The following RCAN1 variants were observed in gnomAD, a reference collection of about 807,000 sequenced individuals.
RCAN1 encodes the protein regulator of calcineurin 1.
Under a neutral mutation model 22.9 loss-of-function variants are expected in RCAN1, and 11 were observed. The observed-to-expected ratio is 0.48, with a 90% CI of 0.30 to 0.79. The LOEUF (loss-of-function observed/expected upper bound fraction) is 0.79, where lower values mean the gene tolerates loss of function less well. Ranked by LOEUF, RCAN1 falls within the 30% of genes least tolerant of loss-of-function variation. RCAN1 has a pLI of 0.06. For missense variants in RCAN1, 291 were observed against 337.8 expected, an observed-to-expected ratio of 0.86 and a Z score of 1.09; for synonymous variants, 136 against 142.3, an observed-to-expected ratio of 0.96 and a Z score of 0.32.
At chr21:34,596,122 G>A (rs1988143415) in intron 1 of RCAN1, among the ~76,000 whole-genome samples, 2 of 152,174 alleles carry the variant, frequency 1.3e-5, no homozygotes, top group South Asian at 4.1e-4. Context: ...GCCCTGTGAG[G>A]TGGCTATTAT....
intron 1 of RCAN1, among the ~76,000 whole-genome samples, chr21:34,568,946 TGGC>T (rs1171245455): frequency 1.3e-5 from 2 of 152,154 alleles, no homozygotes; most frequent in East Asian, 3.9e-4. Flanking sequence ...GCTTCTTACA[TGGC>T]GGCGGCAAAG....
At chr21:34,593,955 G>A (rs1568927649) in intron 1 of RCAN1, among the ~76,000 whole-genome samples, 2 of 152,158 alleles carry the variant, frequency 1.3e-5, no homozygotes, top group African/African-American at 2.4e-5. Context: ...TTCTGGGGCT[G>A]GAGGCGTGGG....
At chr21:34,547,806 G>A (rs747415924) in intron 1 of RCAN1, among the ~76,000 whole-genome samples, 40 of 152,154 alleles carry the variant, frequency 2.6e-4, no homozygotes, top group Non-Finnish European at 4.4e-4. Flanking sequence ...CCAGATGCTG[G>A]CACCATGCTC....
chr21:34,526,890 A>T (rs1423373161), intron 1 of RCAN1: 1 of 1,455,010 alleles, frequency 6.9e-7, no homozygotes, highest in Non-Finnish European at 9.0e-7. Context: ...GGGGAAAAAA[A>T]AAGTGCAGCT....
intron 1 of RCAN1, among the ~76,000 whole-genome samples, chr21:34,563,794 T>TATAGAGAGAGAG (rs765741781): frequency 2.1e-5 from 1 of 48,722 alleles, no homozygotes; most frequent in Non-Finnish European, 3.7e-5. Context: ...TATATATATA[T>TATAGAGAGAGAG]AGAGAGAGAG....
chr21:34,552,331 C>T (rs1986399139), intron 1 of RCAN1, among the ~76,000 whole-genome samples: 1 of 152,148 alleles, frequency 6.6e-6, no homozygotes, highest in Non-Finnish European at 1.5e-5. Flanking sequence ...CGAAGTGACT[C>T]CTGTACATAG....
At chr21:34,554,453 G>T (rs1423172892) in intron 1 of RCAN1, among the ~76,000 whole-genome samples, 1 of 152,210 alleles carries the variant, frequency 6.6e-6, no homozygotes, top group African/African-American at 2.4e-5. Flanking sequence ...GAAACCACCA[G>T]GTGAGAGGCG....
At chr21:34,559,414 C>CT (rs5843672) in intron 1 of RCAN1, 35,594 of 152,146 alleles carry the variant, frequency 0.23, 5,149 homozygotes, top group East Asian at 0.42. Context: ...CACAGCACTT[C>CT]TTTAACTTTC....
At chr21:34,591,312 A>C (rs570119662) in intron 1 of RCAN1, among the ~76,000 whole-genome samples, 7 of 152,134 alleles carry the variant, frequency 4.6e-5, no homozygotes, top group African/African-American at 9.7e-5. Context: ...GGGCACAGAG[A>C]AAAAAACAAA....
chr21:34,554,789 T>C (rs985349869), intron 1 of RCAN1, among the ~76,000 whole-genome samples: 1 of 152,208 alleles, frequency 6.6e-6, no homozygotes, highest in Non-Finnish European at 1.5e-5. Flanking sequence ...TCCATGTAAC[T>C]GGGAAAGCAT....
chr21:34,593,297 G>A (rs1204748763), intron 1 of RCAN1, among the ~76,000 whole-genome samples: 1 of 152,186 alleles, frequency 6.6e-6, no homozygotes, highest in Non-Finnish European at 1.5e-5. Flanking sequence ...AATACTACTA[G>A]CCCTCACCCA....
intron 1 of RCAN1, among the ~76,000 whole-genome samples, chr21:34,609,283 A>C (rs1335111426): frequency 6.6e-6 from 1 of 152,220 alleles, no homozygotes; most frequent in East Asian, 1.9e-4. Context: ...GATGGTGATT[A>C]GTATTTACAA....
chr21:34,577,344 T>C (rs1226936651), intron 1 of RCAN1, among the ~76,000 whole-genome samples: 3 of 152,158 alleles, frequency 2.0e-5, no homozygotes, highest in East Asian at 1.9e-4. Flanking sequence ...GTGCCTATAA[T>C]CCCAGCACTT....
chr21:34,561,128 C>G (rs746800745), intron 1 of RCAN1, among the ~76,000 whole-genome samples: 1 of 152,178 alleles, frequency 6.6e-6, no homozygotes. Flanking sequence ...GCCTGCTTCT[C>G]CTTTGCCTTC....
chr21:34,562,276 T>C (rs928602743), intron 1 of RCAN1, among the ~76,000 whole-genome samples: 7 of 152,246 alleles, frequency 4.6e-5, no homozygotes, highest in Non-Finnish European at 1.0e-4. Flanking sequence ...GGTACATTCT[T>C]ACGCTCCTGG....
intron 1 of RCAN1, among the ~76,000 whole-genome samples, chr21:34,560,888 T>C (rs184502814): frequency 9.2e-4 from 140 of 152,306 alleles, no homozygotes; most frequent in African/African-American, 3.3e-3. Context: ...TCTTACAAAC[T>C]GATGTGATTT....
intron 1 of RCAN1, among the ~76,000 whole-genome samples, chr21:34,601,700 C>G (rs1424518164): frequency 6.6e-6 from 1 of 151,820 alleles, no homozygotes; most frequent in Non-Finnish European, 1.5e-5. Flanking sequence ...CGCCTGTAGT[C>G]CCAGCTACTT....
At chr21:34,565,779 T>C (rs1986981280) in intron 1 of RCAN1, among the ~76,000 whole-genome samples, 1 of 152,218 alleles carries the variant, frequency 6.6e-6, no homozygotes, top group Non-Finnish European at 1.5e-5. Flanking sequence ...CGGCAAAATG[T>C]GTGGCTTACA....
intron 1 of RCAN1, among the ~76,000 whole-genome samples, chr21:34,580,319 G>C (rs532530609): frequency 6.2e-4 from 95 of 152,344 alleles, no homozygotes; most frequent in African/African-American, 2.2e-3. Context: ...ATAGTAGGCA[G>C]GGTCAGCGCA....
Sources: allele counts gnomAD v4.1 joint callset (sites outside exome capture counted in the v4.1 genomes callset), GRCh38; gene constraint gnomAD v4.1.1; transcripts MANE v1.5; gene names NCBI Gene and HGNC (gene_info 2026-07-23, HGNC 2026-07-21).